Variants in RARB observed in about 807,000 individuals in gnomAD.
The protein encoded by RARB is HBV-activated protein.
Under a neutral mutation model 51.9 loss-of-function variants are expected in RARB, and 17 were observed. The observed-to-expected ratio is 0.33, with a 90% CI of 0.22 to 0.49. RARB has a LOEUF of 0.49. Among genes scored for constraint, RARB ranks in the 20% least tolerant of loss-of-function variants. The pLI, the probability that RARB is intolerant of heterozygous loss-of-function variation, is 0.99. For synonymous variants in RARB, 215 were observed against 195.4 expected (o/e 1.10, Z -0.84); for missense variants, 369 against 550.8 (o/e 0.67, Z 3.30).
intron 2 of RARB, among the ~76,000 whole-genome samples, chr3:24,974,429 T>G (rs914424155): frequency 6.6e-6 from 1 of 152,138 alleles, no homozygotes; most frequent in Non-Finnish European, 1.5e-5. Context: ...GATAAGAGTT[T>G]TGCACAGCAG....
In RARB at chr3:25,205,713, TAAAAATA is replaced by T. The variant is rs1015212757; in HGVS notation, c.178+31150_178+31156del. On this transcript the variant is annotated intron_variant, in intron 5 of 11. Transcript: ENST00000383772. ...AATATGTGCATCTATTATGTACCCA[TAAAAATA>T]AAAAATAAAAACAAATATTAAAAAC... is the stretch of plus-strand genomic sequence containing the variant. 1.3e-4 allele frequency among the ~76,000 whole-genome samples: 20 copies of T among 151,966 alleles called. 1 individual carries two copies. The highest frequency in any genetic ancestry group is 4.2e-4 in the South Asian group (2 of 4,804).
At chr3:24,964,804 G>A (rs971469158) in intron 2 of RARB, among the ~76,000 whole-genome samples, 3 of 152,132 alleles carry the variant, frequency 2.0e-5, no homozygotes, top group Admixed American at 2.0e-4. Context: ...TCTCCTAAAG[G>A]CGATGTCCCC....
chr3:25,091,760 A>G (rs1344025605), intron 3 of RARB, among the ~76,000 whole-genome samples: 1 of 152,154 alleles, frequency 6.6e-6, no homozygotes, highest in Non-Finnish European at 1.5e-5. Context: ...GACAAAAAAT[A>G]TCTATTGTTG....
chr3:25,122,983 T>C (rs1381628304), intron 3 of RARB, among the ~76,000 whole-genome samples: 1 of 152,172 alleles, frequency 6.6e-6, no homozygotes, highest in Non-Finnish European at 1.5e-5. Flanking sequence ...CCACAGCACA[T>C]GTACACAGTG....
At chr3:24,868,108 C>G (rs1328424137) in intron 2 of RARB, among the ~76,000 whole-genome samples, 1 of 152,080 alleles carries the variant, frequency 6.6e-6, no homozygotes, top group Non-Finnish European at 1.5e-5. Context: ...AATAATTTTC[C>G]TGGGGCTGTG....
chr3:24,947,540 A>G (rs549047437), intron 2 of RARB, among the ~76,000 whole-genome samples: 14 of 152,334 alleles, frequency 9.2e-5, no homozygotes, highest in African/African-American at 3.1e-4. Context: ...TCGTGGAAGC[A>G]TGGACATCTT....
At chr3:24,902,879 T>C (rs1022206378) in intron 2 of RARB, among the ~76,000 whole-genome samples, 2 of 152,164 alleles carry the variant, frequency 1.3e-5, no homozygotes, top group Admixed American at 6.6e-5. Context: ...TTAAGGGTTT[T>C]AGCAAAAATA....
intron 2 of RARB, among the ~76,000 whole-genome samples, chr3:24,922,137 C>G (rs567340087): frequency 1.3e-3 from 198 of 152,310 alleles, no homozygotes; most frequent in African/African-American, 4.6e-3. Flanking sequence ...GAAAGCACTT[C>G]TAGTGTCAAG....
intron 1 of RARB, among the ~76,000 whole-genome samples, chr3:25,446,802 CAAAAAAAAA>C (rs5847356): frequency 1.6e-4 from 11 of 69,104 alleles, no homozygotes; most frequent in African/African-American, 3.2e-4. Flanking sequence ...GACTCCGTCT[CAAAAAAAAA>C]AAAAAAAAAA....
chr3:25,391,193 A>G (rs1706944602), intron 5 of RARB, among the ~76,000 whole-genome samples: 1 of 152,134 alleles, frequency 6.6e-6, no homozygotes, highest in Non-Finnish European at 1.5e-5. Flanking sequence ...AATGGTCTCA[A>G]ACTCCATCCA....
chr3:24,911,074 C>G (rs1328891697), intron 2 of RARB, among the ~76,000 whole-genome samples: 2 of 152,206 alleles, frequency 1.3e-5, no homozygotes, highest in African/African-American at 4.8e-5. Context: ...TATGACACCT[C>G]TGCTTCATTC....
At chr3:25,012,275 A>T (rs1697415256) in intron 2 of RARB, among the ~76,000 whole-genome samples, 1 of 152,084 alleles carries the variant, frequency 6.6e-6, no homozygotes, top group East Asian at 1.9e-4. Context: ...GAAAGCTTTG[A>T]TTTTTAAAGC....
intron 2 of RARB, among the ~76,000 whole-genome samples, chr3:25,012,859 A>G (rs1427001757): frequency 6.6e-6 from 1 of 152,134 alleles, no homozygotes; most frequent in Non-Finnish European, 1.5e-5. Flanking sequence ...CGGAAATAAT[A>G]ATAAGACCAA....
intron 5 of RARB, among the ~76,000 whole-genome samples, chr3:25,341,791 G>A (rs1220793823): frequency 6.6e-6 from 1 of 152,102 alleles, no homozygotes; most frequent in Non-Finnish European, 1.5e-5. Flanking sequence ...ACAAAGAATT[G>A]TCTGACCCAA....
In RARB at chr3:25,570,030, G is replaced by A. The variant is rs930728683; in HGVS notation, c.609+112G>A. 16 of 1,366,046 alleles carry A rather than the reference G, an allele frequency of 1.2e-5. No homozygotes were observed. In the East Asian group the frequency reaches 1.2e-4, roughly 10 times the overall value. 84.6% of individuals were successfully genotyped at this position (1,366,046 alleles called of 1,614,324 possible). On this transcript the variant is annotated intron_variant, in intron 4 of 7. Transcript: ENST00000330688. ...CACACACACACACACACTTTGCACT[G>A]GGCCTGGCAGGGGCTTGCATGCTAG... is the stretch of plus-strand genomic sequence containing the variant.
intron 5 of RARB, among the ~76,000 whole-genome samples, chr3:25,287,384 A>G (rs1018382415): frequency 2.6e-5 from 4 of 152,152 alleles, no homozygotes; most frequent in East Asian, 1.9e-4. Context: ...GGAATAAGCA[A>G]TTTCTCTACA....
intron 2 of RARB, among the ~76,000 whole-genome samples, chr3:24,916,147 G>C (rs1254960585): frequency 6.6e-6 from 1 of 152,104 alleles, no homozygotes. Flanking sequence ...GTTTATGTCT[G>C]AGCTGGAAAA....
At chr3:25,229,962 A>C (rs1297441013) in intron 5 of RARB, among the ~76,000 whole-genome samples, 1 of 152,170 alleles carries the variant, frequency 6.6e-6, no homozygotes, top group Non-Finnish European at 1.5e-5. Flanking sequence ...AAAGACTTGT[A>C]TGATAAAACA....
chr3:25,288,235 G>C (rs905203039), intron 5 of RARB, among the ~76,000 whole-genome samples: 1 of 152,108 alleles, frequency 6.6e-6, no homozygotes, highest in Admixed American at 6.6e-5. Context: ...CCTTAGTCTG[G>C]AGAGAAAGGA....
Sources: gnomAD v4.1 joint callset for allele counts (sites outside exome capture counted in the v4.1 genomes callset) on GRCh38, gnomAD v4.1.1 for gene constraint, MANE v1.5 for transcripts, NCBI Gene and HGNC (gene_info 2026-07-23, HGNC 2026-07-21) for gene names.